SCYL3: variants seen among roughly 807,000 people sequenced by gnomAD.
SCYL3 encodes protein-associating with the carboxyl-terminal domain of ezrin.
SCYL3 carries 35 observed loss-of-function variants against 73.8 expected under a neutral mutation model. The ratio of observed to expected loss-of-function variants is 0.47; its 90% CI spans 0.36 to 0.63. The LOEUF is 0.63. SCYL3 is among the 20% of genes least tolerant of loss of function. SCYL3 has a pLI of 0.00. For synonymous variants in SCYL3, 277 were observed against 295.2 expected, an observed-to-expected ratio of 0.94 and a Z score of 0.63; for missense variants, 712 against 798.9, an observed-to-expected ratio of 0.89 and a Z score of 1.31.
chr1:169,868,080 G>C (rs1348530009), intron 7 of SCYL3, among the ~76,000 whole-genome samples: 1 of 152,102 alleles, frequency 6.6e-6, no homozygotes, highest in Non-Finnish European at 1.5e-5. Flanking sequence ...ATCATAATGG[G>C]AAAGTTTTGA....
intron 10 of SCYL3, among the ~76,000 whole-genome samples, chr1:169,861,209 A>G (rs1659619280): frequency 6.6e-6 from 1 of 152,248 alleles, no homozygotes; most frequent in South Asian, 2.1e-4. Flanking sequence ...CATGCCCTTG[A>G]GTAAACCCAT....
rs1658322445 is a variant in SCYL3 at position 169,851,469 on chromosome 1, A to G, written c.*2244T>C. Reference sequence around the variant, plus strand: ...GCATTCCTCCCACCAAAGTCCTGGGATTAGAGGCATGAGCCACCACACTTG... The same window carrying G: ...GCATTCCTCCCACCAAAGTCCTGGGGTTAGAGGCATGAGCCACCACACTTG... On this transcript the variant is annotated 3_prime_UTR_variant, in exon 13 of 13. Transcript: ENST00000367771. 1 of 182,048 alleles carries G rather than the reference A, an allele frequency of 5.5e-6. No individual in the cohort carries two copies. Among genetic ancestry groups the G allele is most frequent in the Non-Finnish European group, 1.1e-5 (1 of 87,678 alleles). 11.3% of individuals were successfully genotyped at this position (182,048 alleles called of 1,614,324 possible).
chr1:169,881,962 C>A (rs1412671262), intron 2 of SCYL3, among the ~76,000 whole-genome samples: 1 of 152,244 alleles, frequency 6.6e-6, no homozygotes, highest in Non-Finnish European at 1.5e-5. Flanking sequence ...GTCCTCACAG[C>A]CCTCGCTCGC....
intron 11 of SCYL3, among the ~76,000 whole-genome samples, chr1:169,856,939 A>G (rs12128929): frequency 0.067 from 10,150 of 152,320 alleles, 433 homozygotes; most frequent in Non-Finnish European, 0.099. Context: ...TTTCTGCTAA[A>G]TGTCTCCATG....
rs1658674413 is a variant in SCYL3, at chr1:169,853,329, T to TAGAGCTTACTCTTATGTTAAA, written c.*363_*383dup. ...AATTTTTTAAAGTTGTATTTCATAA[T>TAGAGCTTACTCTTATGTTAAA]AGAGCTTACTCTTATGTTAAAGAAT... On this transcript the variant is annotated 3_prime_UTR_variant, in exon 13 of 13. Coordinates refer to ENST00000367771, the MANE Select transcript of SCYL3 (RefSeq NM_020423.7). 3.0e-6 allele frequency: 1 copy of TAGAGCTTACTCTTATGTTAAA among 335,768 alleles called. No individual in the cohort carries two copies. 20.8% of individuals were successfully genotyped at this position (335,768 alleles called of 1,614,324 possible).
intron 10 of SCYL3, among the ~76,000 whole-genome samples, chr1:169,862,034 T>C (rs564086364): frequency 1.3e-5 from 2 of 152,368 alleles, no homozygotes; most frequent in South Asian, 4.1e-4. Flanking sequence ...TTTCACATCC[T>C]ACAGCCTTCA....
intron 7 of SCYL3, among the ~76,000 whole-genome samples, chr1:169,867,433 T>C (rs758060493): frequency 5.3e-5 from 8 of 152,224 alleles, no homozygotes; most frequent in Non-Finnish European, 1.2e-4. Flanking sequence ...TGGTCATTCT[T>C]TCAGCCAGGC....
Position 169,854,255 on chromosome 1 carries a change from C to CT in SCYL3, c.2007+14_2007+15insA, listed in dbSNP as rs1658894676. On this transcript the variant is annotated intron_variant, in intron 12 of 12. Transcript: ENST00000367771. Reference sequence around the variant, plus strand: ...CTAAAGCTAGTAGCACAGTTTACTCCATAAAAGTACTCACCTCAGTAATTT... The same window carrying CT: ...CTAAAGCTAGTAGCACAGTTTACTCCTATAAAAGTACTCACCTCAGTAATTT... 1.3e-5 allele frequency: 21 copies of CT among 1,573,648 alleles called. No individual in the cohort carries two copies. Among genetic ancestry groups the CT allele is most frequent in the Non-Finnish European group, 1.7e-5 (20 of 1,161,846 alleles).
intron 1 of SCYL3, among the ~76,000 whole-genome samples, chr1:169,890,184 T>C (rs1661978837): frequency 6.6e-6 from 1 of 152,232 alleles, no homozygotes; most frequent in Non-Finnish European, 1.5e-5. Flanking sequence ...TGTCAGATCA[T>C]GCCACTTATC....
chr1:169,885,964 AG>A (rs1393319927), intron 2 of SCYL3, among the ~76,000 whole-genome samples: 3 of 152,176 alleles, frequency 2.0e-5, no homozygotes, highest in Non-Finnish European at 2.9e-5. Context: ...AGTGCCCAGA[AG>A]CCACGTAAGA....
At chr1:169,861,563 A>G (rs568843770) in intron 10 of SCYL3, among the ~76,000 whole-genome samples, 1 of 152,352 alleles carries the variant, frequency 6.6e-6, no homozygotes, top group Non-Finnish European at 1.5e-5. Flanking sequence ...CCTTCAGCTG[A>G]GTCCAGTCAA....
intron 2 of SCYL3, among the ~76,000 whole-genome samples, 179 bp downstream of exon 2, chr1:169,888,497 A>C (rs1315408761): frequency 1.3e-5 from 2 of 152,250 alleles, no homozygotes; most frequent in African/African-American, 4.8e-5. Flanking sequence ...ATGGTACCTG[A>C]CCATGTCATG....
chr1:169,870,320 T>C lies in SCYL3; in HGVS notation c.560A>G (p.His187Arg), dbSNP rs763735138. 18 of 1,612,806 alleles carry C rather than the reference T, an allele frequency of 1.1e-5. No homozygotes were observed. The highest frequency in any genetic ancestry group is 1.6e-4 in the Middle Eastern group (1 of 6,078). ...EFTTLPECHG[H>R]ARDAFSFGTL... Reference sequence around the variant, plus strand: ...TCCAAATGAAAAGGCATCCCGGGCATGTCCATGACACTCTGGGAGAGTTGT... The same window carrying C: ...TCCAAATGAAAAGGCATCCCGGGCACGTCCATGACACTCTGGGAGAGTTGT... The change falls in exon 6 of 13, where the codon CAT (histidine) becomes CGT (arginine). Residue 187 changes from histidine (H) to arginine (R), a missense_variant. Transcript: ENST00000367771.
chr1:169,887,466 C>T (rs1009664585), intron 2 of SCYL3, among the ~76,000 whole-genome samples: 26 of 151,418 alleles, frequency 1.7e-4, no homozygotes, highest in Admixed American at 1.6e-3. Context: ...AGTACCTCGC[C>T]GATAATAGTT....
rs1163803201 is a variant in SCYL3, at chr1:169,876,214, C to CA, written c.352-124dup. On this transcript the variant is annotated intron_variant, in intron 3 of 12. Coordinates refer to ENST00000367771, the MANE Select transcript of SCYL3 (RefSeq NM_020423.7). Reference sequence around the variant, plus strand: ...TTTTAAAAAACTAAATACTAATCACCAAAAAAATTATGACAAGCCTTCCCA... The same window carrying CA: ...TTTTAAAAAACTAAATACTAATCACCAAAAAAAATTATGACAAGCCTTCCCA... 12 of 488,828 alleles carry CA rather than the reference C, an allele frequency of 2.5e-5. No individual in the cohort carries two copies. In the East Asian group the frequency reaches 4.2e-4, roughly 17 times the overall value. 30.3% of individuals were successfully genotyped at this position (488,828 alleles called of 1,614,324 possible). A position where few individuals can be genotyped will look rare whatever the true frequency, so the allele number is the denominator to read the frequency against.
rs1658153435 is a variant in SCYL3, at chr1:169,851,004, TTTATTTGGGCAGCCTCCCAAGCCAGG to T, written c.*2683_*2708del. The T allele has an allele frequency of 2.1e-5, 1 of 47,736 alleles. No individual in the cohort carries two copies. The highest frequency in any genetic ancestry group is 8.9e-5 in the African/African-American group (1 of 11,268). 3.0% of individuals were successfully genotyped at this position (47,736 alleles called of 1,614,324 possible). On this transcript the variant is annotated 3_prime_UTR_variant, in exon 13 of 13. Coordinates refer to ENST00000367771, the MANE Select transcript of SCYL3 (RefSeq NM_020423.7). ...GCTTTTTTTTTTTTTTTTTTTTTTT[TTTATTTGGGCAGCCTCCCAAGCCAGG>T]GTAAGCTCAGGGCCCTTTTTTTTTT... is the stretch of plus-strand genomic sequence containing the variant.
intron 2 of SCYL3, among the ~76,000 whole-genome samples, chr1:169,879,903 A>C (rs1208010331): frequency 6.6e-6 from 1 of 152,242 alleles, no homozygotes; most frequent in Non-Finnish European, 1.5e-5. Flanking sequence ...TAACAGAATG[A>C]ATATGACAGA....
chr1:169,875,798 T>C (rs906029480), intron 4 of SCYL3, among the ~76,000 whole-genome samples, 180 bp downstream of exon 4: 5 of 152,220 alleles, frequency 3.3e-5, no homozygotes, highest in South Asian at 2.1e-4. Flanking sequence ...AAAGGATACA[T>C]GACCCCCACT....
intron 2 of SCYL3, among the ~76,000 whole-genome samples, chr1:169,886,000 C>T (rs1661654687): frequency 6.6e-6 from 1 of 151,962 alleles, no homozygotes; most frequent in Non-Finnish European, 1.5e-5. Context: ...TTATGAAGGG[C>T]AAAAAATAAT....
Sources: allele counts gnomAD v4.1 joint callset (sites outside exome capture counted in the v4.1 genomes callset), GRCh38; gene constraint gnomAD v4.1.1; transcripts MANE v1.5; gene names NCBI Gene and HGNC (gene_info 2026-07-23, HGNC 2026-07-21).